RAPGEF4: variants seen among roughly 807,000 people sequenced by gnomAD.
RAPGEF4 encodes the protein Rap guanine nucleotide exchange factor 4.
Under a neutral mutation model 147.9 loss-of-function variants are expected in RAPGEF4, and 66 were observed. The ratio of observed to expected loss-of-function variants is 0.45; its 90% CI spans 0.37 to 0.55. The LOEUF (loss-of-function observed/expected upper bound fraction) is 0.55, where lower values mean the gene tolerates loss of function less well. RAPGEF4 is among the 20% of genes least tolerant of loss of function. The probability of loss-of-function intolerance (pLI) is 0.00; values close to 1 mark genes in which losing one functional copy is unlikely to be tolerated. For synonymous variants in RAPGEF4, 419 were observed against 442.7 expected, an observed-to-expected ratio of 0.95 and a Z score of 0.67; for missense variants, 1,071 against 1,257.3, an observed-to-expected ratio of 0.85 and a Z score of 2.24.
At chr2:172,797,657 A>G in intron 3 of RAPGEF4, 44 bp downstream of exon 3, 1 of 1,426,276 alleles carries the variant, frequency 7.0e-7, no homozygotes. Context: ...ATTTTTTTTA[A>G]AGACTTATTA....
chr2:172,804,668 G>A (rs1687304680), intron 3 of RAPGEF4, among the ~76,000 whole-genome samples: 1 of 152,178 alleles, frequency 6.6e-6, no homozygotes, highest in African/African-American at 2.4e-5. Context: ...AGCCTGCAAG[G>A]CATCTGCTCC....
chr2:172,967,751 T>G (rs1690005724), intron 10 of RAPGEF4, among the ~76,000 whole-genome samples: 1 of 152,244 alleles, frequency 6.6e-6, no homozygotes, highest in Non-Finnish European at 1.5e-5. Context: ...GAAACTGCTC[T>G]GTTTCTATGC....
chr2:173,030,026 G>T, intron 25 of RAPGEF4, 138 bp from the exon 26 acceptor site: 2 of 585,100 alleles, frequency 3.4e-6, no homozygotes, highest in Non-Finnish European at 6.1e-6. Context: ...AACTTTTACA[G>T]TACATTAAAT....
chr2:172,837,921 A>G (rs1210708715), intron 4 of RAPGEF4, among the ~76,000 whole-genome samples: 1 of 152,208 alleles, frequency 6.6e-6, no homozygotes, highest in Non-Finnish European at 1.5e-5. Flanking sequence ...GTAGTATTCC[A>G]TTCTCACCAA....
intron 1 of RAPGEF4, among the ~76,000 whole-genome samples, chr2:172,780,575 G>A (rs1233248120): frequency 6.6e-6 from 1 of 152,180 alleles, no homozygotes; most frequent in Non-Finnish European, 1.5e-5. Context: ...GGAGGGCAGA[G>A]AGCTTTTTTT....
intron 3 of RAPGEF4, among the ~76,000 whole-genome samples, chr2:172,799,412 A>C (rs1686742858): frequency 6.6e-6 from 1 of 152,226 alleles, no homozygotes. Flanking sequence ...TTGACTCTTA[A>C]GAAACATGAG....
At chr2:173,010,893 G>T (rs925098502) in intron 17 of RAPGEF4, among the ~76,000 whole-genome samples, 1 of 152,156 alleles carries the variant, frequency 6.6e-6, no homozygotes, top group Non-Finnish European at 1.5e-5. Context: ...AGCTATAAAA[G>T]AAGTATCACC....
At chr2:172,803,848 G>T (rs1263298971) in intron 3 of RAPGEF4, among the ~76,000 whole-genome samples, 1 of 152,126 alleles carries the variant, frequency 6.6e-6, no homozygotes, top group Admixed American at 6.5e-5. Context: ...CAAGTTCAAA[G>T]TTCCACAAAT....
rs767824824 is a variant in RAPGEF4, at chr2:172,750,915, A to G, written c.65+14867A>G. On this transcript the variant is annotated intron_variant, in intron 1 of 30. Coordinates refer to ENST00000397081, the MANE Select transcript of RAPGEF4 (RefSeq NM_007023.4). The stretch of plus-strand genomic sequence containing the variant: ...CCTTTATCAGATATATCATTTGCAA[A>G]TATTTTCTCCCATTTTATAGGTTGA... 1.2e-4 allele frequency among the ~76,000 whole-genome samples: 18 copies of G among 152,246 alleles called. No individual in the cohort carries two copies. In the South Asian group the frequency reaches 1.5e-3, roughly 12 times the overall value.
intron 6 of RAPGEF4, among the ~76,000 whole-genome samples, chr2:172,927,869 C>T (rs1158922346): frequency 6.6e-6 from 1 of 152,214 alleles, no homozygotes; most frequent in African/African-American, 2.4e-5. Flanking sequence ...AGTGGCCTCA[C>T]TAGTGCCATT....
At chr2:172,758,162 T>C (rs1695954991) in intron 1 of RAPGEF4, among the ~76,000 whole-genome samples, 2 of 152,052 alleles carry the variant, frequency 1.3e-5, no homozygotes, top group African/African-American at 4.8e-5. Context: ...ACCAAGCATA[T>C]GTTTAGGATA....
chr2:172,927,055 A>G (rs560843676), intron 6 of RAPGEF4, among the ~76,000 whole-genome samples: 2 of 152,296 alleles, frequency 1.3e-5, no homozygotes, highest in Non-Finnish European at 2.9e-5. Flanking sequence ...ATCTCAAACC[A>G]CTTGGCAAGT....
intron 4 of RAPGEF4, among the ~76,000 whole-genome samples, chr2:172,906,693 G>A (rs1699665630): frequency 6.6e-6 from 1 of 152,198 alleles, no homozygotes; most frequent in South Asian, 2.1e-4. Context: ...CCTTGGCAGT[G>A]GACAGCAGCT....
In RAPGEF4 at chr2:173,021,566, C is replaced by T. The variant is rs556862099; in HGVS notation, c.2253+851C>T. Among the ~76,000 whole-genome samples, 415 of 152,132 alleles carry T rather than the reference C, an allele frequency of 2.7e-3. 7 individuals are homozygous for T. Among genetic ancestry groups the T allele is most frequent in the Non-Finnish European group, 4.4e-4 (30 of 68,012 alleles). ...TGGCGCCACTGCACTCCAGCCTGGG[C>T]AACAGAGCGAGACTCTGCCTCAAAA... On this transcript the variant is annotated intron_variant, in intron 23 of 30. Coordinates refer to ENST00000397081, the MANE Select transcript of RAPGEF4 (RefSeq NM_007023.4).
chr2:173,024,220 T>G (rs74890028), intron 23 of RAPGEF4, among the ~76,000 whole-genome samples: 4 of 17,486 alleles, frequency 2.3e-4, no homozygotes, highest in African/African-American at 3.0e-4. Context: ...TTTTTATTAT[T>G]TTTTTTTTTT....
chr2:172,743,598 C>T (rs1458431657), intron 1 of RAPGEF4, among the ~76,000 whole-genome samples: 3 of 152,224 alleles, frequency 2.0e-5, no homozygotes, highest in Non-Finnish European at 4.4e-5. Flanking sequence ...CCTTCACCTA[C>T]CTCTGCTATA....
chr2:172,825,044 T>C (rs1689512059), intron 4 of RAPGEF4, among the ~76,000 whole-genome samples: 1 of 152,244 alleles, frequency 6.6e-6, no homozygotes, highest in Non-Finnish European at 1.5e-5. Context: ...CTATTGCTTC[T>C]GGCCTTGGCC....
At chr2:172,829,224 C>G (rs1050743554) in intron 4 of RAPGEF4, among the ~76,000 whole-genome samples, 1 of 152,230 alleles carries the variant, frequency 6.6e-6, no homozygotes, top group African/African-American at 2.4e-5. Context: ...GCAGGTCTTT[C>G]TCAGTCAGTG....
chr2:172,810,743 T>G (rs1447676239), intron 3 of RAPGEF4, among the ~76,000 whole-genome samples: 1 of 152,196 alleles, frequency 6.6e-6, no homozygotes, highest in African/African-American at 2.4e-5. Context: ...ACAGTGTGTC[T>G]GATGCAAGTG....
Sources: allele counts gnomAD v4.1 joint callset (sites outside exome capture counted in the v4.1 genomes callset), GRCh38; gene constraint gnomAD v4.1.1; transcripts MANE v1.5; gene names NCBI Gene and HGNC (gene_info 2026-07-23, HGNC 2026-07-21).